Variants in IL1RAPL1 observed in about 807,000 individuals in gnomAD.
The protein encoded by IL1RAPL1 is interleukin-1 receptor accessory protein-like 1.
In IL1RAPL1, 3 loss-of-function variants were observed where a neutral mutation model predicts 48.4. The ratio of observed to expected loss-of-function variants is 0.06; its 90% confidence interval spans 0.03 to 0.16. The LOEUF (loss-of-function observed/expected upper bound fraction) is 0.16. IL1RAPL1 is among the 10% of genes least tolerant of loss of function. The pLI, the probability that IL1RAPL1 is intolerant of heterozygous loss-of-function variation, is 1.00. For missense variants in IL1RAPL1, 349 were observed against 530.6 expected (o/e 0.66, Z 3.36); for synonymous variants, 185 against 187.7 (o/e 0.99, Z 0.12).
At chrX:29,708,391 C>G (rs1453793641) in intron 6 of IL1RAPL1, among the ~76,000 whole-genome samples, 1 of 111,585 alleles carries the variant, frequency 9.0e-6, no homozygotes, top group African/African-American at 3.3e-5. Context: ...TACCTCCTGC[C>G]CCCCTCTGCA....
chrX:29,199,780 T>G (rs746823128), intron 2 of IL1RAPL1, among the ~76,000 whole-genome samples: 260 of 111,774 alleles, frequency 2.3e-3, no homozygotes, highest in African/African-American at 8.1e-3. Flanking sequence ...GTTGGGGACC[T>G]CTGTTCTAGA....
At chrX:28,730,431 A>T (rs779827877) in intron 1 of IL1RAPL1, among the ~76,000 whole-genome samples, 2 of 111,905 alleles carry the variant, frequency 1.8e-5, no homozygotes, top group South Asian at 7.4e-4. Context: ...CTTCCGAAAA[A>T]CGACTAAATA....
intron 6 of IL1RAPL1, among the ~76,000 whole-genome samples, chrX:29,803,479 A>C (rs886429724): frequency 3.3e-4 from 32 of 98,242 alleles, no homozygotes; most frequent in South Asian, 1.4e-3. Flanking sequence ...ATGTATACAT[A>C]TATGTATACA....
intron 6 of IL1RAPL1, among the ~76,000 whole-genome samples, chrX:29,757,348 A>C (rs1486267601): frequency 8.9e-6 from 1 of 111,991 alleles, no homozygotes; most frequent in Non-Finnish European, 1.9e-5. Context: ...ATCCCAGCCA[A>C]ATATTTGACA....
chrX:28,785,604 G>A (rs1487230810), intron 1 of IL1RAPL1, among the ~76,000 whole-genome samples: 1 of 111,732 alleles, frequency 8.9e-6, no homozygotes, highest in Non-Finnish European at 1.9e-5. Flanking sequence ...AAGCCCCAGG[G>A]TGGATAATGT....
chrX:28,930,940 C>T (rs960761642), intron 2 of IL1RAPL1, among the ~76,000 whole-genome samples: 2 of 110,409 alleles, frequency 1.8e-5, no homozygotes, highest in African/African-American at 6.6e-5. Flanking sequence ...CGCGCCCAGC[C>T]GATTTTTTTT....
chrX:29,283,832 C>G (rs766090243), intron 3 of IL1RAPL1, among the ~76,000 whole-genome samples: 7 of 112,512 alleles, frequency 6.2e-5, no homozygotes, highest in Admixed American at 1.9e-4. Context: ...CACCATACAT[C>G]TACACATCTT....
chrX:29,335,894 G>T (rs1337290565), intron 3 of IL1RAPL1, among the ~76,000 whole-genome samples: 1 of 110,479 alleles, frequency 9.1e-6, no homozygotes, highest in African/African-American at 3.3e-5. Flanking sequence ...TTAATAAAAA[G>T]GATATATAGG....
At chrX:28,894,977 G>C (rs940279815) in intron 2 of IL1RAPL1, among the ~76,000 whole-genome samples, 14 of 111,015 alleles carry the variant, frequency 1.3e-4, no homozygotes, top group African/African-American at 4.6e-4. Context: ...GGGGCTGTCT[G>C]TGAAGCTTTG....
chrX:29,231,130 G>A (rs1158362122), intron 2 of IL1RAPL1, among the ~76,000 whole-genome samples: 1 of 111,883 alleles, frequency 8.9e-6, no homozygotes, highest in Admixed American at 9.5e-5. Flanking sequence ...TGGTTGAGGA[G>A]GATGGAGCTA....
chrX:29,310,974 T>C (rs1350890400), intron 3 of IL1RAPL1, among the ~76,000 whole-genome samples: 3 of 111,946 alleles, frequency 2.7e-5, no homozygotes, highest in African/African-American at 6.5e-5. Context: ...TTGGTGTTTT[T>C]TTCCCCATGA....
intron 2 of IL1RAPL1, among the ~76,000 whole-genome samples, chrX:29,100,739 GC>G (rs1386423547): frequency 4.5e-5 from 5 of 111,427 alleles, no homozygotes; most frequent in African/African-American, 1.6e-4. Flanking sequence ...ATATCTATTA[GC>G]CTTCTGTACT....
rs182483586 is a variant in IL1RAPL1, at chrX:28,794,863, G to A, written c.82+5438G>A. Among the ~76,000 whole-genome samples the A allele has an allele frequency of 1.3e-3, 151 of 111,953 alleles. 1 individual carries two copies. The highest frequency in any genetic ancestry group is 4.8e-3 in the African/African-American group (148 of 30,896). On this transcript the variant is annotated intron_variant, in intron 2 of 10. Transcript: ENST00000378993. ...AATTATACTACTGTGTAAAGAAAGC[G>A]AGATTTAACTGAATAGGAATGAGAA...
At chrX:28,892,941 G>A (rs1324181684) in intron 2 of IL1RAPL1, among the ~76,000 whole-genome samples, 1 of 111,675 alleles carries the variant, frequency 9.0e-6, no homozygotes, top group Admixed American at 9.5e-5. Flanking sequence ...GCCTAAGGAG[G>A]TTCAGCATAG....
At chrX:29,129,835 C>T (rs1031670732) in intron 2 of IL1RAPL1, among the ~76,000 whole-genome samples, 15 of 110,211 alleles carry the variant, frequency 1.4e-4, no homozygotes, top group African/African-American at 4.9e-4. Context: ...ACCTCATGAT[C>T]CGCCCGCCTC....
At chrX:29,599,484 G>C (rs1032802328) in intron 5 of IL1RAPL1, among the ~76,000 whole-genome samples, 10 of 111,785 alleles carry the variant, frequency 8.9e-5, no homozygotes, top group Admixed American at 6.6e-4. Context: ...ATAACCTCAC[G>C]ATTGTGTGCC....
intron 5 of IL1RAPL1, among the ~76,000 whole-genome samples, chrX:29,466,748 A>G (rs1403179985): frequency 9.8e-5 from 11 of 111,978 alleles, no homozygotes; most frequent in Non-Finnish European, 1.3e-4. Context: ...ATAATCTCAC[A>G]TTTGGCAAAT....
At chrX:29,768,988 C>G (rs1207398812) in intron 6 of IL1RAPL1, among the ~76,000 whole-genome samples, 1 of 111,362 alleles carries the variant, frequency 9.0e-6, no homozygotes, top group Non-Finnish European at 1.9e-5. Flanking sequence ...TCCAATCTAT[C>G]TGCTGGGACA....
At chrX:29,358,411 C>T (rs1252670844) in intron 3 of IL1RAPL1, among the ~76,000 whole-genome samples, 1 of 109,884 alleles carries the variant, frequency 9.1e-6, no homozygotes, top group Non-Finnish European at 1.9e-5. Context: ...GCACCCACCC[C>T]CCGCCACACA....
Sources: allele counts gnomAD v4.1 joint callset (sites outside exome capture counted in the v4.1 genomes callset), GRCh38; gene constraint gnomAD v4.1.1; transcripts MANE v1.5; gene names NCBI Gene and HGNC (gene_info 2026-07-23, HGNC 2026-07-21).